DIAPH2: variants seen among roughly 807,000 people sequenced by gnomAD.
DIAPH2 encodes protein diaphanous homolog 2.
A neutral mutation model predicts 92.7 loss-of-function variants in DIAPH2; 35 were observed. The observed-to-expected ratio is 0.38, with a 90% CI of 0.29 to 0.50. The LOEUF (loss-of-function observed/expected upper bound fraction) is 0.50. DIAPH2 is among the 20% of genes least tolerant of loss of function. The pLI is 0.94. For synonymous variants in DIAPH2, 301 were observed against 280.4 expected (o/e 1.07, Z -0.73); for missense variants, 701 against 819.5 (o/e 0.86, Z 1.77).
At chrX:97,329,923 CA>C (rs1569364078) in intron 23 of DIAPH2, among the ~76,000 whole-genome samples, 2 of 106,030 alleles carry the variant, frequency 1.9e-5, no homozygotes, top group African/African-American at 3.4e-5. Context: ...CACACACACA[CA>C]CACACACACA....
intron 26 of DIAPH2, among the ~76,000 whole-genome samples, chrX:97,478,592 C>T (rs922120897): frequency 1.4e-4 from 16 of 111,797 alleles, no homozygotes; most frequent in Admixed American, 4.8e-4. Flanking sequence ...GTTAATTGTT[C>T]GCTGCATCCC....
chrX:96,854,598 C>CTTATATAT (rs2065025816), intron 4 of DIAPH2, among the ~76,000 whole-genome samples: 1 of 37,132 alleles, frequency 2.7e-5, no homozygotes, highest in Non-Finnish European at 5.2e-5. Context: ...CTCTCTCTCT[C>CTTATATAT]ATATATATAT....
At chrX:97,255,367 C>T (rs911639910) in intron 23 of DIAPH2, among the ~76,000 whole-genome samples, 1 of 111,853 alleles carries the variant, frequency 8.9e-6, no homozygotes, top group Non-Finnish European at 1.9e-5. Flanking sequence ...AAATTAATTT[C>T]CCTATTCCCT....
At chrX:97,065,541 C>T (rs1230752174) in intron 17 of DIAPH2, among the ~76,000 whole-genome samples, 1 of 111,453 alleles carries the variant, frequency 9.0e-6, no homozygotes. Flanking sequence ...ACATACTGTG[C>T]TGCCAGTAAT....
At chrX:96,810,205 C>T (rs1310002818) in intron 4 of DIAPH2, among the ~76,000 whole-genome samples, 1 of 112,076 alleles carries the variant, frequency 8.9e-6, no homozygotes, top group African/African-American at 3.2e-5. Flanking sequence ...TTAATGATTG[C>T]CGTTCTAACT....
chrX:97,486,434 G>A (rs1392696394), intron 26 of DIAPH2, among the ~76,000 whole-genome samples: 1 of 111,739 alleles, frequency 8.9e-6, no homozygotes, highest in Non-Finnish European at 1.9e-5. Context: ...TATAAGAAAT[G>A]AAAGATAAAC....
chrX:97,286,041 C>CT (rs756488579), intron 23 of DIAPH2, among the ~76,000 whole-genome samples: 3,897 of 91,500 alleles, frequency 0.043, 87 homozygotes, highest in African/African-American at 0.076. Context: ...AGCCCAGAAA[C>CT]TTTTTTTTTT....
chrX:97,083,914 C>T (rs189152489), intron 19 of DIAPH2, among the ~76,000 whole-genome samples: 58 of 111,258 alleles, frequency 5.2e-4, no homozygotes, highest in Non-Finnish European at 5.7e-5. Flanking sequence ...ATTCCTGTTA[C>T]GTTGCAAATA....
At chrX:96,911,997 A>G (rs1435990335) in intron 5 of DIAPH2, among the ~76,000 whole-genome samples, 2 of 111,923 alleles carry the variant, frequency 1.8e-5, no homozygotes. Flanking sequence ...TAAAGTATCA[A>G]AGAGTGGAAG....
intron 4 of DIAPH2, among the ~76,000 whole-genome samples, chrX:96,813,160 C>G (rs901730015): frequency 9.9e-5 from 11 of 110,976 alleles, no homozygotes; most frequent in Non-Finnish European, 1.3e-4. Context: ...GAGTCTAAGT[C>G]TCTTTGTAAG....
intron 23 of DIAPH2, among the ~76,000 whole-genome samples, chrX:97,300,949 AAAAAAAAAAAAAAAAAG>A (rs1334316095): frequency 6.6e-4 from 47 of 71,071 alleles, no homozygotes; most frequent in East Asian, 3.9e-3. Flanking sequence ...AAAAAAAAAA[AAAAAAAAAAAAAAAAAG>A]AAGAAGAAGA....
At chrX:97,374,030 A>C (rs1202472965) in intron 24 of DIAPH2, among the ~76,000 whole-genome samples, 1 of 110,408 alleles carries the variant, frequency 9.1e-6, no homozygotes, top group African/African-American at 3.3e-5. Flanking sequence ...GTCAGATCAC[A>C]TAAGGCTTTA....
intron 4 of DIAPH2, among the ~76,000 whole-genome samples, chrX:96,814,980 C>T (rs1039860986): frequency 5.4e-5 from 6 of 112,094 alleles, no homozygotes; most frequent in Non-Finnish European, 1.1e-4. Flanking sequence ...TTAGGCTACA[C>T]GGGGGTCAGG....
rs2066655534 is a variant in DIAPH2, at chrX:97,069,511, C to A, written c.2051-3430C>A. On this transcript the variant is annotated intron_variant, in intron 17 of 26. Coordinates refer to ENST00000324765, the MANE Select transcript of DIAPH2 (RefSeq NM_006729.5). ...TAAAGAAAATTATAAATGTTAGGTA[C>A]CTTTTGGGGATACTTCCATAATTAG... Among the ~76,000 whole-genome samples, 3 of 110,559 alleles carry A rather than the reference C, an allele frequency of 2.7e-5. No individual in the cohort carries two copies. In the Admixed American group the frequency reaches 2.9e-4, roughly 11 times the overall value.
At chrX:97,253,239 G>C (rs1248591108) in intron 23 of DIAPH2, among the ~76,000 whole-genome samples, 1 of 107,620 alleles carries the variant, frequency 9.3e-6, no homozygotes, top group African/African-American at 3.4e-5. Context: ...AATGAGCAGA[G>C]ATTGCATCAT....
At chrX:97,346,777 C>G (rs1396889897) in intron 23 of DIAPH2, among the ~76,000 whole-genome samples, 1 of 111,164 alleles carries the variant, frequency 9.0e-6, no homozygotes, top group African/African-American at 3.3e-5. Context: ...CCATATGTCT[C>G]CAGAGATAAG....
chrX:97,142,287 T>C (rs2067213563), intron 22 of DIAPH2, among the ~76,000 whole-genome samples: 1 of 111,615 alleles, frequency 9.0e-6, no homozygotes, highest in Admixed American at 9.6e-5. Context: ...GAAAGTACTC[T>C]TGAATGGGTG....
At chrX:96,884,843 A>G (rs2065247994) in intron 5 of DIAPH2, 1 of 1,209,215 alleles carries the variant, frequency 8.3e-7, no homozygotes, top group Admixed American at 2.2e-5. Context: ...ACCACTGTAG[A>G]AAGTGTGCCT....
chrX:96,963,974 G>A (rs1444415113), intron 16 of DIAPH2, among the ~76,000 whole-genome samples: 1 of 109,431 alleles, frequency 9.1e-6, no homozygotes, highest in Admixed American at 9.8e-5. Flanking sequence ...AATTTTTTTT[G>A]ATGTATGAAA....
Sources: gnomAD v4.1 joint callset for allele counts (sites outside exome capture counted in the v4.1 genomes callset) on GRCh38, gnomAD v4.1.1 for gene constraint, MANE v1.5 for transcripts, NCBI Gene and HGNC (gene_info 2026-07-23, HGNC 2026-07-21) for gene names.